Variants in CLIP1 observed in about 807,000 individuals in gnomAD.
CLIP1 encodes the protein CAP-Gly domain-containing linker protein 1.
In CLIP1, 66 loss-of-function variants were observed where a neutral mutation model predicts 161.6. The ratio of observed to expected loss-of-function variants is 0.41; its 90% CI spans 0.33 to 0.50. The LOEUF (loss-of-function observed/expected upper bound fraction) is 0.50, where lower values mean the gene tolerates loss of function less well. CLIP1 is among the 20% of genes least tolerant of loss of function. CLIP1 has a pLI of 0.27. For missense variants in CLIP1, 1,376 were observed against 1,702.0 expected (o/e 0.81, Z 3.37); for synonymous variants, 598 against 626.2 (o/e 0.96, Z 0.67).
rs773474155 is a variant in CLIP1, at chr12:122,377,690, G to T, written c.356C>A (p.Thr119Asn). The T allele has an allele frequency of 6.2e-7, 1 of 1,613,654 alleles. No homozygotes were observed. Among genetic ancestry groups the T allele is most frequent in the Non-Finnish European group, 8.5e-7 (1 of 1,179,976 alleles). Residue 119 changes from threonine (T) to asparagine (N), a missense_variant, in exon 3 of 26, where the codon ACC becomes AAC. Transcript: ENST00000620786. ...CTTCCTTGTTAACTTTGAAGGTCGG[G>T]TAAATATGCCCTTTAAAGGTTCACA... ...FQCEPLKGIF[T>N]RPSKLTRKVQ...
At chr12:122,318,600 G>C (rs1390503458) in intron 18 of CLIP1, among the ~76,000 whole-genome samples, 1 of 152,122 alleles carries the variant, frequency 6.6e-6, no homozygotes, top group Admixed American at 6.5e-5. Flanking sequence ...AGTTCCACAG[G>C]ACTTCACATA....
At chr12:122,386,926 T>C (rs1955299606) in intron 1 of CLIP1, among the ~76,000 whole-genome samples, 1 of 151,920 alleles carries the variant, frequency 6.6e-6, no homozygotes, top group Admixed American at 6.6e-5. Context: ...GGTCTTGCCC[T>C]GTTGCTCAAG....
At chr12:122,367,428 A>G (rs1193775418) in intron 3 of CLIP1, among the ~76,000 whole-genome samples, 1 of 152,206 alleles carries the variant, frequency 6.6e-6, no homozygotes, top group African/African-American at 2.4e-5. Flanking sequence ...ATCAGTAGTT[A>G]TTCTATGGAG....
At chr12:122,300,154 C>A (rs967414148) in intron 20 of CLIP1, among the ~76,000 whole-genome samples, 8 of 152,072 alleles carry the variant, frequency 5.3e-5, no homozygotes, top group Non-Finnish European at 8.8e-5. Flanking sequence ...CCTGTGGTCC[C>A]AACTACCTGG....
At chr12:122,328,576 T>A in intron 15 of CLIP1, 150 bp from the exon 16 acceptor site, 1 of 370,792 alleles carries the variant, frequency 2.7e-6, no homozygotes, top group Non-Finnish European at 4.3e-6. Context: ...TTTTGTTTTG[T>A]TTTGTTTTGT....
At chr12:122,304,686 G>A (rs1950803377) in intron 20 of CLIP1, among the ~76,000 whole-genome samples, 1 of 152,184 alleles carries the variant, frequency 6.6e-6, no homozygotes, top group Non-Finnish European at 1.5e-5. Flanking sequence ...AAAGTTTATA[G>A]CATGAAGTTG....
chr12:122,304,807 A>C (rs970055397), intron 20 of CLIP1, among the ~76,000 whole-genome samples: 1 of 152,230 alleles, frequency 6.6e-6, no homozygotes, highest in African/African-American at 2.4e-5. Flanking sequence ...AATCAGCCCT[A>C]GTTGCCCAGA....
At position 122,403,494 on chromosome 12, in the gene CLIP1, G is replaced by GTTTT. The variant is rs1036910823; in HGVS notation, c.-107+19023_-107+19026dup. ...AATACAGTAGGAGACATCATTTCTT[G>GTTTT]TTTTGTTTTTTTTTTTTTTTTTTTT... On this transcript the variant is annotated intron_variant, in intron 1 of 25. Transcript: ENST00000620786. Among the ~76,000 whole-genome samples the GTTTT allele has an allele frequency of 1.1e-4, 6 of 55,804 alleles. 1 individual carries two copies. Among genetic ancestry groups the GTTTT allele is most frequent in the African/African-American group, 1.4e-4 (3 of 20,888 alleles). 36.6% of individuals were successfully genotyped at this position (55,804 alleles called of 152,430 possible).
intron 1 of CLIP1, among the ~76,000 whole-genome samples, chr12:122,383,168 G>A (rs1006071768): frequency 3.9e-5 from 6 of 152,186 alleles, no homozygotes; most frequent in Admixed American, 6.5e-5. Context: ...CAACCTCATA[G>A]AGTGACAAGG....
chr12:122,288,220 G>A (rs1805759181), intron 21 of CLIP1, among the ~76,000 whole-genome samples: 3 of 152,082 alleles, frequency 2.0e-5, no homozygotes, highest in Non-Finnish European at 4.4e-5. Context: ...TTTTAGTTGA[G>A]ATGGGGATTC....
At chr12:122,277,097 C>T (rs947764346) in intron 24 of CLIP1, 7 of 154,194 alleles carry the variant, frequency 4.5e-5, no homozygotes, top group Non-Finnish European at 8.6e-5. Context: ...GTAACTGGGA[C>T]TATGGGAGCA....
chr12:122,371,747 G>A (rs1035887010), intron 3 of CLIP1, among the ~76,000 whole-genome samples: 3 of 152,186 alleles, frequency 2.0e-5, no homozygotes, highest in Admixed American at 6.5e-5. Context: ...ACGGTTTCCT[G>A]TGTTTCCAAG....
chr12:122,372,280 C>T (rs1305798827), intron 3 of CLIP1, among the ~76,000 whole-genome samples: 4 of 152,042 alleles, frequency 2.6e-5, no homozygotes, highest in Non-Finnish European at 4.4e-5. Flanking sequence ...ATTAGCCAGG[C>T]GTGGTGGCAC....
At chr12:122,300,964 A>G (rs1950657323) in intron 20 of CLIP1, among the ~76,000 whole-genome samples, 1 of 152,256 alleles carries the variant, frequency 6.6e-6, no homozygotes, top group Non-Finnish European at 1.5e-5. Context: ...CTAAAAATGC[A>G]TAACCTGAAT....
chr12:122,389,754 G>A (rs1465817600), intron 1 of CLIP1, among the ~76,000 whole-genome samples: 2 of 8,934 alleles, frequency 2.2e-4, no homozygotes, highest in African/African-American at 5.4e-4. Flanking sequence ...ATGAGATCCT[G>A]TCTCAAAAAA....
chr12:122,297,665 G>A (rs1950523810), intron 20 of CLIP1, among the ~76,000 whole-genome samples: 1 of 152,168 alleles, frequency 6.6e-6, no homozygotes, highest in African/African-American at 2.4e-5. Context: ...AGAAATTCTA[G>A]TCTCGCCTCC....
intron 20 of CLIP1, among the ~76,000 whole-genome samples, 164 bp from the exon 21 acceptor site, chr12:122,288,705 T>G (rs1320742376): frequency 6.6e-6 from 1 of 152,108 alleles, no homozygotes; most frequent in Non-Finnish European, 1.5e-5. Context: ...GGATGTGTAG[T>G]TATTAATATA....
chr12:122,386,590 G>C (rs1593218278), intron 1 of CLIP1, among the ~76,000 whole-genome samples: 3 of 152,240 alleles, frequency 2.0e-5, no homozygotes, highest in Admixed American at 6.5e-5. Flanking sequence ...TGACCAAAGA[G>C]AATAGTGTCT....
At chr12:122,372,826 G>T (rs1310893751) in intron 3 of CLIP1, among the ~76,000 whole-genome samples, 1 of 151,994 alleles carries the variant, frequency 6.6e-6, no homozygotes, top group Non-Finnish European at 1.5e-5. Context: ...ATGGATTTCA[G>T]GTAAAGAACA....
Sources: allele counts gnomAD v4.1 joint callset (sites outside exome capture counted in the v4.1 genomes callset), GRCh38; gene constraint gnomAD v4.1.1; transcripts MANE v1.5; gene names NCBI Gene and HGNC (gene_info 2026-07-23, HGNC 2026-07-21).